The following IL1RAPL1 variants were observed in gnomAD, a reference collection of about 807,000 sequenced individuals.
IL1RAPL1 encodes interleukin 1 receptor accessory protein like 1.
In IL1RAPL1, 3 loss-of-function variants were observed where a neutral mutation model predicts 48.4. The observed-to-expected ratio is 0.06, with a 90% CI of 0.03 to 0.16. The LOEUF (loss-of-function observed/expected upper bound fraction) is 0.16, where lower values mean the gene tolerates loss of function less well. IL1RAPL1 is among the 10% of genes least tolerant of loss of function. IL1RAPL1 has a pLI of 1.00. For missense variants in IL1RAPL1, 349 were observed against 530.6 expected (o/e 0.66, Z 3.36); for synonymous variants, 185 against 187.7 (o/e 0.99, Z 0.12).
At chrX:29,534,536 A>G (rs776901359) in intron 5 of IL1RAPL1, among the ~76,000 whole-genome samples, 49 of 111,727 alleles carry the variant, frequency 4.4e-4, no homozygotes, top group African/African-American at 1.5e-3. Context: ...ATGATAATAC[A>G]TAGCCTATAT....
intron 5 of IL1RAPL1, among the ~76,000 whole-genome samples, chrX:29,516,877 C>T (rs891347308): frequency 9.0e-6 from 1 of 111,141 alleles, no homozygotes; most frequent in African/African-American, 3.3e-5. Flanking sequence ...AAGTGGTGTA[C>T]CAATTTACAT....
At chrX:29,515,797 C>T (rs749001899) in intron 5 of IL1RAPL1, among the ~76,000 whole-genome samples, 3 of 111,308 alleles carry the variant, frequency 2.7e-5, no homozygotes, top group Admixed American at 9.5e-5. Context: ...AGCGATCCTC[C>T]TACCTCAGCC....
At chrX:29,586,681 CTATT>C (rs1569344728) in intron 5 of IL1RAPL1, among the ~76,000 whole-genome samples, 1 of 110,949 alleles carries the variant, frequency 9.0e-6, no homozygotes, top group Non-Finnish European at 1.9e-5. Flanking sequence ...ACACGGATAT[CTATT>C]TGTTTGTGCC....
At chrX:29,066,866 A>T (rs1927461290) in intron 2 of IL1RAPL1, among the ~76,000 whole-genome samples, 1 of 111,656 alleles carries the variant, frequency 9.0e-6, no homozygotes, top group Admixed American at 9.5e-5. Flanking sequence ...GCTGCTCTTC[A>T]GGGAGAGAGT....
chrX:28,723,591 C>T (rs1407818159), intron 1 of IL1RAPL1, among the ~76,000 whole-genome samples: 1 of 111,670 alleles, frequency 9.0e-6, no homozygotes, highest in African/African-American at 3.3e-5. Flanking sequence ...GTCTCTATCT[C>T]CTTCAGTTCT....
At chrX:29,585,051 G>A (rs1210684588) in intron 5 of IL1RAPL1, among the ~76,000 whole-genome samples, 1 of 111,132 alleles carries the variant, frequency 9.0e-6, no homozygotes, top group African/African-American at 3.3e-5. Flanking sequence ...GTATTTTATT[G>A]TGTTGAGAAC....
chrX:29,744,627 C>T (rs993251367), intron 6 of IL1RAPL1, among the ~76,000 whole-genome samples: 11 of 112,279 alleles, frequency 9.8e-5, no homozygotes, highest in African/African-American at 3.2e-4. Context: ...TTCACCATTT[C>T]TGGTCAGGCT....
chrX:29,608,538 A>T (rs1301433843), intron 5 of IL1RAPL1, among the ~76,000 whole-genome samples: 1 of 111,661 alleles, frequency 9.0e-6, no homozygotes, highest in Non-Finnish European at 1.9e-5. Context: ...TTAAAATAAG[A>T]GGAGGAGGCC....
Position 28,884,368 on chromosome X carries a change from A to G in IL1RAPL1, c.82+94943A>G, listed in dbSNP as rs187191303. Among the ~76,000 whole-genome samples the G allele has an allele frequency of 3.9e-3, 431 of 111,543 alleles. 4 individuals are homozygous for G. The highest frequency in any genetic ancestry group is 0.013 in the African/African-American group (411 of 30,772). On this transcript the variant is annotated intron_variant, in intron 2 of 10. Coordinates refer to ENST00000378993, the MANE Select transcript of IL1RAPL1 (RefSeq NM_014271.4). ...TATCCTACAAATAGGGATTTGATGA[A>G]TACTAAGGTATAGAACTTTGGAAAC...
At chrX:29,498,568 A>G (rs1363930392) in intron 5 of IL1RAPL1, among the ~76,000 whole-genome samples, 1 of 106,365 alleles carries the variant, frequency 9.4e-6, no homozygotes, top group Non-Finnish European at 1.9e-5. Flanking sequence ...TTGTTTTTTA[A>G]ATTGTGGTTT....
chrX:29,339,116 A>ACACACACACACACACG (rs1859695320), intron 3 of IL1RAPL1, among the ~76,000 whole-genome samples: 1 of 109,575 alleles, frequency 9.1e-6, no homozygotes, highest in African/African-American at 3.3e-5. Flanking sequence ...ACACACACGC[A>ACACACACACACACACG]CACACTCAAA....
chrX:29,165,005 A>T (rs1294234100), intron 2 of IL1RAPL1, among the ~76,000 whole-genome samples: 1 of 111,936 alleles, frequency 8.9e-6, no homozygotes, highest in Non-Finnish European at 1.9e-5. Context: ...GTAATTTGTG[A>T]TTACGTCTTC....
At chrX:29,841,385 C>T (rs1931132741) in intron 6 of IL1RAPL1, among the ~76,000 whole-genome samples, 1 of 111,483 alleles carries the variant, frequency 9.0e-6, no homozygotes, top group Admixed American at 9.6e-5. Context: ...TATAATCTAT[C>T]GTCTGTTTAT....
At chrX:28,958,132 A>G (rs1924666396) in intron 2 of IL1RAPL1, among the ~76,000 whole-genome samples, 1 of 110,947 alleles carries the variant, frequency 9.0e-6, no homozygotes, top group South Asian at 3.8e-4. Flanking sequence ...TGATGAGAAC[A>G]CTTGAAATCT....
At chrX:28,790,082 A>G (rs1447573281) in intron 2 of IL1RAPL1, among the ~76,000 whole-genome samples, 1 of 112,276 alleles carries the variant, frequency 8.9e-6, no homozygotes, top group Non-Finnish European at 1.9e-5. Context: ...ACCATTATCA[A>G]TGTGAAGTTG....
intron 5 of IL1RAPL1, among the ~76,000 whole-genome samples, chrX:29,654,314 A>T (rs1336072679): frequency 9.0e-6 from 1 of 111,569 alleles, no homozygotes; most frequent in Non-Finnish European, 1.9e-5. Flanking sequence ...CAAGTGCTGA[A>T]GTTGAATATA....
At chrX:29,039,370 C>T (rs182500309) in intron 2 of IL1RAPL1, among the ~76,000 whole-genome samples, 2 of 112,024 alleles carry the variant, frequency 1.8e-5, no homozygotes, top group African/African-American at 6.5e-5. Flanking sequence ...TGCTTTCCTA[C>T]TTCTTTTCTT....
chrX:29,465,075 A>G (rs1005846875), intron 5 of IL1RAPL1, among the ~76,000 whole-genome samples: 3 of 112,001 alleles, frequency 2.7e-5, no homozygotes, highest in Non-Finnish European at 3.8e-5. Flanking sequence ...ATCCTAAAAT[A>G]AAAGTTGAAT....
intron 3 of IL1RAPL1, among the ~76,000 whole-genome samples, chrX:29,394,625 CTT>C (rs1445889010): frequency 8.9e-6 from 1 of 111,856 alleles, no homozygotes; most frequent in Non-Finnish European, 1.9e-5. Flanking sequence ...GTTCATATCT[CTT>C]TGTAGTAATT....
Sources: gnomAD v4.1 joint callset for allele counts (sites outside exome capture counted in the v4.1 genomes callset) on GRCh38, gnomAD v4.1.1 for gene constraint, MANE v1.5 for transcripts, NCBI Gene and HGNC (gene_info 2026-07-23, HGNC 2026-07-21) for gene names.